The following OPCML variants were observed in gnomAD, a reference collection of about 807,000 sequenced individuals.
OPCML encodes the protein opioid-binding protein/cell adhesion molecule.
Under a neutral mutation model 37.8 loss-of-function variants are expected in OPCML, and 13 were observed. That is an observed-to-expected ratio of 0.34 (90% CI 0.22 to 0.55). The LOEUF (loss-of-function observed/expected upper bound fraction) is 0.55. Among genes scored for constraint, OPCML ranks in the 20% least tolerant of loss-of-function variants. OPCML has a pLI of 0.91. For missense variants in OPCML, 341 were observed against 435.6 expected (o/e 0.78, Z 1.93); for synonymous variants, 176 against 168.8 (o/e 1.04, Z -0.33).
chr11:133,071,942 G>C (rs986966063), intron 1 of OPCML, among the ~76,000 whole-genome samples: 3 of 152,138 alleles, frequency 2.0e-5, no homozygotes, highest in African/African-American at 7.2e-5. Flanking sequence ...AGGATAAAAT[G>C]CTTGCCCAGA....
intron 1 of OPCML, among the ~76,000 whole-genome samples, chr11:133,402,729 T>G (rs955612762): frequency 6.6e-6 from 1 of 152,122 alleles, no homozygotes; most frequent in Non-Finnish European, 1.5e-5. Flanking sequence ...AGCTCAGGCT[T>G]CTGCTCCTTC....
intron 1 of OPCML, among the ~76,000 whole-genome samples, chr11:133,128,885 C>T (rs1949561096): frequency 1.3e-5 from 2 of 152,146 alleles, no homozygotes; most frequent in African/African-American, 4.8e-5. Flanking sequence ...CGGGCTTCTG[C>T]TTCTGGCCAA....
At position 133,528,481 on chromosome 11, in the gene OPCML, G is replaced by A. The variant is rs1011156273; in HGVS notation, c.61+3783C>T. Among the ~76,000 whole-genome samples the A allele has an allele frequency of 6.6e-5, 10 of 152,260 alleles. No homozygotes were observed. In the East Asian group the frequency reaches 7.7e-4, roughly 12 times the overall value. On this transcript the variant is annotated intron_variant, in intron 1 of 7. Coordinates refer to ENST00000524381, the MANE Select transcript of OPCML (RefSeq NM_001012393.5). ...ATCAGGCACTCTTAGCAGGTTCGCC[G>A]GCTCTGGGCTGGTGAGAGGCTAAGG... is the stretch of plus-strand genomic sequence containing the variant.
intron 1 of OPCML, among the ~76,000 whole-genome samples, chr11:133,431,276 C>G (rs1383458410): frequency 6.6e-6 from 1 of 152,092 alleles, no homozygotes; most frequent in African/African-American, 2.4e-5. Context: ...ATAAAATAGT[C>G]ACATTGTGTC....
chr11:132,595,906 G>T (rs760803350), intron 3 of OPCML, among the ~76,000 whole-genome samples: 2 of 152,172 alleles, frequency 1.3e-5, no homozygotes, highest in Non-Finnish European at 2.9e-5. Flanking sequence ...ATTTGATTTG[G>T]CTGTAAATCA....
intron 1 of OPCML, among the ~76,000 whole-genome samples, chr11:133,011,430 A>T (rs1565396563): frequency 6.6e-6 from 1 of 151,500 alleles, no homozygotes; most frequent in Non-Finnish European, 1.5e-5. Context: ...GTGTAGATTC[A>T]TGTATTGCAT....
rs542709797 is a variant in OPCML, at chr11:132,444,883, G to A, written c.506-7524C>T. Among the ~76,000 whole-genome samples the A allele has an allele frequency of 2.0e-4, 31 of 152,320 alleles. No individual in the cohort carries two copies. In the South Asian group the frequency reaches 5.4e-3, roughly 27 times the overall value. On this transcript the variant is annotated intron_variant, in intron 4 of 7. Transcript: ENST00000524381. The stretch of plus-strand genomic sequence containing the variant: ...AACTTCCAGATTTGTTACCTTTGCT[G>A]CATTGGAGTTAATGAAAAGTGTGAT...
chr11:132,454,032 A>T (rs2096075095), intron 4 of OPCML, among the ~76,000 whole-genome samples: 1 of 152,180 alleles, frequency 6.6e-6, no homozygotes, highest in Admixed American at 6.5e-5. Flanking sequence ...ATAGTTTGTC[A>T]CTTCTATATG....
intron 1 of OPCML, among the ~76,000 whole-genome samples, chr11:133,019,421 T>C (rs752649018): frequency 6.6e-6 from 1 of 152,110 alleles, no homozygotes; most frequent in African/African-American, 2.4e-5. Context: ...GGCGGCCCCT[T>C]CTCCATGTCT....
chr11:132,942,452 G>A (rs1945610335), intron 2 of OPCML, among the ~76,000 whole-genome samples: 1 of 152,150 alleles, frequency 6.6e-6, no homozygotes, highest in Non-Finnish European at 1.5e-5. Context: ...CTCATAACAG[G>A]CCGTGGGCTG....
chr11:132,998,678 TG>T (rs913548743), intron 1 of OPCML, among the ~76,000 whole-genome samples: 1 of 152,132 alleles, frequency 6.6e-6, no homozygotes, highest in African/African-American at 2.4e-5. Context: ...AAGGTGAAGG[TG>T]GGGGCTCTTG....
chr11:132,620,695 G>T (rs1939346450), intron 3 of OPCML, among the ~76,000 whole-genome samples: 1 of 152,136 alleles, frequency 6.6e-6, no homozygotes, highest in Non-Finnish European at 1.5e-5. Flanking sequence ...TGGAATCATT[G>T]GTTCTCAGAA....
intron 2 of OPCML, among the ~76,000 whole-genome samples, chr11:132,920,543 G>C (rs1272368762): frequency 1.3e-5 from 2 of 152,138 alleles, no homozygotes; most frequent in Non-Finnish European, 2.9e-5. Flanking sequence ...GGTCTCTCTG[G>C]GCCCAGCCCA....
At chr11:132,459,727 C>T (rs556513170) in intron 4 of OPCML, among the ~76,000 whole-genome samples, 2 of 113,742 alleles carry the variant, frequency 1.8e-5, no homozygotes, top group African/African-American at 3.5e-5. Flanking sequence ...TGACATACTT[C>T]GTTATACGAA....
At chr11:132,452,553 CTTTT>C (rs1375068894) in intron 4 of OPCML, among the ~76,000 whole-genome samples, 1 of 150,202 alleles carries the variant, frequency 6.7e-6, no homozygotes, top group African/African-American at 2.4e-5. Context: ...GCCTGCCTTC[CTTTT>C]TTCCTTCCTT....
At chr11:132,536,444 T>G in intron 3 of OPCML, among the ~76,000 whole-genome samples, 1 of 152,196 alleles carries the variant, frequency 6.6e-6, no homozygotes, top group East Asian at 1.9e-4. Context: ...ATAAAAATAT[T>G]TGCATCACAG....
intron 1 of OPCML, among the ~76,000 whole-genome samples, chr11:133,178,107 A>G (rs1937640131): frequency 6.6e-6 from 1 of 152,190 alleles, no homozygotes; most frequent in Non-Finnish European, 1.5e-5. Context: ...TAAAGTCAGG[A>G]GCTCTTACAT....
At chr11:133,009,303 A>G (rs576459292) in intron 1 of OPCML, 320 of 834,316 alleles carry the variant, frequency 3.8e-4, no homozygotes, top group Non-Finnish European at 4.4e-4. Flanking sequence ...GAGCTGGCTA[A>G]GGTAACAAAA....
intron 2 of OPCML, among the ~76,000 whole-genome samples, chr11:132,697,525 T>C (rs1035461909): frequency 6.6e-6 from 1 of 152,200 alleles, no homozygotes; most frequent in African/African-American, 2.4e-5. Context: ...AGTGAGATCA[T>C]GCAAAATTTT....
Sources: allele counts gnomAD v4.1 joint callset (sites outside exome capture counted in the v4.1 genomes callset), GRCh38; gene constraint gnomAD v4.1.1; transcripts MANE v1.5; gene names NCBI Gene and HGNC (gene_info 2026-07-23, HGNC 2026-07-21).